The following CEP85L variants were observed in gnomAD, a reference collection of about 807,000 sequenced individuals.
CEP85L encodes the protein centrosomal protein 85L.
Under a neutral mutation model 100.3 loss-of-function variants are expected in CEP85L, and 60 were observed. That is an observed-to-expected ratio of 0.60 (90% CI 0.49 to 0.74). The LOEUF (loss-of-function observed/expected upper bound fraction) is 0.74, where lower values mean the gene tolerates loss of function less well. CEP85L is among the 30% of genes least tolerant of loss of function. The pLI is 0.00. For synonymous variants in CEP85L, 319 were observed against 322.7 expected (o/e 0.99, Z 0.12); for missense variants, 973 against 936.2 (o/e 1.04, Z -0.51).
At chr6:118,632,216 C>T (rs536680443) in intron 2 of CEP85L, among the ~76,000 whole-genome samples, 1,637 of 152,248 alleles carry the variant, frequency 0.011, 17 homozygotes, top group Middle Eastern at 0.037. Context: ...GTCTCGATCT[C>T]CTGACCTCGT....
chr6:118,616,955 A>C (rs1448263967), intron 2 of CEP85L, among the ~76,000 whole-genome samples: 1 of 151,820 alleles, frequency 6.6e-6, no homozygotes, highest in African/African-American at 2.4e-5. Context: ...AAAAAAAAAA[A>C]AAGGCTGAGG....
At chr6:118,477,683 A>G (rs1773486700) in intron 10 of CEP85L, among the ~76,000 whole-genome samples, 1 of 152,116 alleles carries the variant, frequency 6.6e-6, no homozygotes, top group Admixed American at 6.6e-5. Flanking sequence ...GCAAGGACAT[A>G]AAGAGGCAGT....
intron 4 of CEP85L, among the ~76,000 whole-genome samples, chr6:118,518,929 T>C (rs956380127): frequency 6.6e-6 from 1 of 152,244 alleles, no homozygotes; most frequent in African/African-American, 2.4e-5. Flanking sequence ...CGGTACATTG[T>C]GTCTTTGTTC....
At chr6:118,602,966 A>G (rs1781860231) in intron 2 of CEP85L, among the ~76,000 whole-genome samples, 2 of 152,096 alleles carry the variant, frequency 1.3e-5, no homozygotes, top group Non-Finnish European at 2.9e-5. Context: ...GATTACAGGT[A>G]CCAACCACCA....
At chr6:118,474,957 A>G (rs936350461) in intron 10 of CEP85L, among the ~76,000 whole-genome samples, 1 of 152,208 alleles carries the variant, frequency 6.6e-6, no homozygotes, top group Non-Finnish European at 1.5e-5. Flanking sequence ...AATCTCAAAC[A>G]CTAAGCTAAT....
intron 3 of CEP85L, among the ~76,000 whole-genome samples, chr6:118,526,171 C>A (rs1582978855): frequency 6.6e-6 from 1 of 152,180 alleles, no homozygotes; most frequent in East Asian, 1.9e-4. Context: ...TCTCCCTTGC[C>A]TAATATACAA....
intron 2 of CEP85L, among the ~76,000 whole-genome samples, chr6:118,593,393 G>C (rs1265660375): frequency 6.6e-6 from 1 of 151,242 alleles, no homozygotes; most frequent in Non-Finnish European, 1.5e-5. Flanking sequence ...AAGAAATATC[G>C]AGCCTGAGGT....
chr6:118,544,503 T>C (rs945054158), intron 3 of CEP85L, among the ~76,000 whole-genome samples: 1 of 152,214 alleles, frequency 6.6e-6, no homozygotes, highest in African/African-American at 2.4e-5. Context: ...TAAACCATAA[T>C]TTCCTTGAAG....
intron 1 of CEP85L, among the ~76,000 whole-genome samples, chr6:118,686,460 A>T (rs532818427): frequency 6.6e-6 from 1 of 152,354 alleles, no homozygotes; most frequent in African/African-American, 2.4e-5. Context: ...TTATATAAAT[A>T]GAATCATGCA....
chr6:118,663,435 A>G (rs1416133275), intron 1 of CEP85L, among the ~76,000 whole-genome samples: 1 of 152,254 alleles, frequency 6.6e-6, no homozygotes, highest in Non-Finnish European at 1.5e-5. Flanking sequence ...AGAAATATTT[A>G]TGATGGCTAT....
intron 1 of CEP85L, among the ~76,000 whole-genome samples, chr6:118,693,821 G>A (rs1777120883): frequency 6.6e-6 from 1 of 152,188 alleles, no homozygotes; most frequent in African/African-American, 2.4e-5. Flanking sequence ...AGACATTGCT[G>A]CTACAGTCAC....
intron 4 of CEP85L, among the ~76,000 whole-genome samples, chr6:118,517,104 A>G (rs1439418209): frequency 6.6e-6 from 1 of 151,838 alleles, no homozygotes; most frequent in African/African-American, 2.4e-5. Context: ...CCATTCGTCT[A>G]TCTGTCTTCG....
intron 1 of CEP85L, among the ~76,000 whole-genome samples, chr6:118,645,236 A>G (rs995865455): frequency 9.9e-5 from 15 of 151,910 alleles, no homozygotes; most frequent in Non-Finnish European, 2.1e-4. Flanking sequence ...TAACAATGTT[A>G]CCTCCTCAGA....
chr6:118,523,887 G>C lies in CEP85L; in HGVS notation c.1054C>G (p.Pro352Ala). The C allele has an allele frequency of 2.5e-6, 4 of 1,606,770 alleles. No homozygotes were observed. The highest frequency in any genetic ancestry group is 3.4e-6 in the Non-Finnish European group (4 of 1,174,710). ...LTGSSRQSYS[P>A]GYQDFSKWES... The stretch of plus-strand genomic sequence containing the variant: ...CACTTACTGAAATCCTGATAGCCAG[G>C]TGAATAACTTTGACGAGATGATCCA... The change falls in exon 4 of 13, where the codon CCT becomes GCT. Residue 352 changes from proline (P) to alanine (A), a missense_variant. Around this residue, in one of 3 missense-constraint regions of CEP85L, gnomAD observed 890 missense variants for 844.5 expected, o/e 1.05. Transcript: ENST00000368491.
At chr6:118,576,052 G>C (rs973320482) in intron 2 of CEP85L, among the ~76,000 whole-genome samples, 16 of 152,054 alleles carry the variant, frequency 1.1e-4, no homozygotes, top group Non-Finnish European at 1.8e-4. Context: ...GAAATAAAAT[G>C]GGAATATTAT....
intron 1 of CEP85L, among the ~76,000 whole-genome samples, chr6:118,687,494 C>G (rs973835457): frequency 3.3e-5 from 5 of 152,152 alleles, no homozygotes; most frequent in African/African-American, 1.2e-4. Flanking sequence ...CACACATAAC[C>G]AATCAGATAG....
chr6:118,548,879 ATAT>A (rs1016829333), intron 3 of CEP85L, among the ~76,000 whole-genome samples: 22 of 152,062 alleles, frequency 1.4e-4, no homozygotes, highest in Non-Finnish European at 2.5e-4. Flanking sequence ...GCCTATTCCA[ATAT>A]TATCATAATT....
rs1215426415 is a variant in CEP85L, at chr6:118,612,477, AC to A, written c.232+19975del. On this transcript the variant is annotated intron_variant, in intron 2 of 12. Transcript: ENST00000368491. The stretch of plus-strand genomic sequence containing the variant: ...TCCAGATCCTGGCTAACATAGTGAA[AC>A]CCTGTCTCTACTAAAAATACAAAAA... Among the ~76,000 whole-genome samples the A allele has an allele frequency of 8.0e-5, 12 of 149,206 alleles. 1 individual carries two copies. The South Asian group carries it at 2.6e-3, about 32-fold the overall frequency.
intron 2 of CEP85L, among the ~76,000 whole-genome samples, chr6:118,576,181 T>C (rs1442288096): frequency 1.3e-5 from 2 of 152,218 alleles, no homozygotes; most frequent in South Asian, 2.1e-4. Flanking sequence ...TGCCTTCCTA[T>C]TGCCTTACCA....
Sources: allele counts gnomAD v4.1 joint callset (sites outside exome capture counted in the v4.1 genomes callset), GRCh38; gene constraint gnomAD v4.1.1; regional missense constraint gnomAD v4.1.1; transcripts MANE v1.5; gene names NCBI Gene and HGNC (gene_info 2026-07-23, HGNC 2026-07-21).